The following CTNNA2 variants were observed in gnomAD, a reference collection of about 807,000 sequenced individuals.
CTNNA2 encodes catenin alpha-2.
Under a neutral mutation model 101.0 loss-of-function variants are expected in CTNNA2, and 42 were observed. The ratio of observed to expected loss-of-function variants is 0.42; its 90% CI spans 0.32 to 0.54. The LOEUF (loss-of-function observed/expected upper bound fraction) is 0.54, where lower values mean the gene tolerates loss of function less well. Among genes scored for constraint, CTNNA2 ranks in the 20% least tolerant of loss-of-function variants. The pLI, the probability that CTNNA2 is intolerant of heterozygous loss-of-function variation, is 0.14. For missense variants in CTNNA2, 871 were observed against 1,223.1 expected, an observed-to-expected ratio of 0.71 and a Z score of 4.29; for synonymous variants, 450 against 456.4, an observed-to-expected ratio of 0.99 and a Z score of 0.18.
intron 2 of CTNNA2, among the ~76,000 whole-genome samples, chr2:79,237,013 G>T (rs1307069468): frequency 1.3e-5 from 2 of 152,298 alleles, no homozygotes; most frequent in Admixed American, 1.3e-4. Context: ...TGTCTTAATG[G>T]CATCTAAAAT....
chr2:79,200,392 A>G lies in CTNNA2; in HGVS notation c.-406+2316A>G, dbSNP rs540634631. 4.6e-5 allele frequency among the ~76,000 whole-genome samples: 7 copies of G among 152,240 alleles called. No homozygotes were observed. In the East Asian group the frequency reaches 1.4e-3, roughly 29 times the overall value. On this transcript the variant is annotated intron_variant, in intron 2 of 21. Coordinates refer to the CTNNA2 transcript ENST00000466387. ...GAGAGAGACTCCGTCTCAAAAAAAA[A>G]AAAAAAATTAGACAAAAAATCAGAT...
chr2:79,405,680 T>C (rs1678333557), intron 4 of CTNNA2, among the ~76,000 whole-genome samples: 1 of 152,066 alleles, frequency 6.6e-6, no homozygotes, highest in Non-Finnish European at 1.5e-5. Context: ...TATATATTTA[T>C]GGGATACACA....
intron 7 of CTNNA2, among the ~76,000 whole-genome samples, chr2:80,062,702 C>CTTTT (rs70940073): frequency 1.1e-4 from 13 of 117,508 alleles, no homozygotes; most frequent in African/African-American, 2.5e-4. Context: ...GCACTGTGAT[C>CTTTT]TTTTTTTTTT....
chr2:79,568,162 T>C (rs2104185435), intron 1 of CTNNA2, among the ~76,000 whole-genome samples: 1 of 152,320 alleles, frequency 6.6e-6, no homozygotes, highest in African/African-American at 2.4e-5. Flanking sequence ...CAGTATAATG[T>C]CTGGCACATC....
chr2:79,348,664 G>T (rs997978847), intron 3 of CTNNA2, among the ~76,000 whole-genome samples: 1 of 152,168 alleles, frequency 6.6e-6, no homozygotes, highest in Non-Finnish European at 1.5e-5. Flanking sequence ...TACCTAGGTC[G>T]CAGAGATTCC....
chr2:80,020,859 A>T lies in CTNNA2; in HGVS notation c.1056+111062A>T, dbSNP rs187742471. ...ACACAAAGTTTTCCTTAGTCTATGA[A>T]CTTTGTTTTGACTTGCTATTTGACC... On this transcript the variant is annotated intron_variant, in intron 7 of 18. Transcript: ENST00000402739. 2.6e-3 allele frequency among the ~76,000 whole-genome samples: 397 copies of T among 152,204 alleles called. 4 individuals are homozygous for T. Among genetic ancestry groups the T allele is most frequent in the African/African-American group, 9.2e-3 (381 of 41,532 alleles).
intron 1 of CTNNA2, chr2:79,195,831 A>G: frequency 1.9e-6 from 1 of 514,940 alleles, no homozygotes; most frequent in Non-Finnish European, 3.9e-6. Context: ...GAATCAATAC[A>G]TATCACTCAA....
chr2:79,444,161 A>T (rs1678806377), intron 4 of CTNNA2, among the ~76,000 whole-genome samples: 1 of 152,052 alleles, frequency 6.6e-6, no homozygotes, highest in African/African-American at 2.4e-5. Flanking sequence ...AGAGATCCTA[A>T]AACAAAGGAC....
At chr2:80,053,734 A>G (rs564610936) in intron 7 of CTNNA2, among the ~76,000 whole-genome samples, 1 of 152,324 alleles carries the variant, frequency 6.6e-6, no homozygotes, top group South Asian at 2.1e-4. Flanking sequence ...TCCACTGAAC[A>G]CACATTGAAT....
At position 79,857,997 on chromosome 2, in the gene CTNNA2, C is replaced by G; in HGVS notation, c.299-16C>G. On this transcript the variant is annotated splice_polypyrimidine_tract_variant and intron_variant, in intron 3 of 18. Coordinates refer to ENST00000402739, the MANE Select transcript of CTNNA2 (RefSeq NM_001282597.3). The stretch of plus-strand genomic sequence containing the variant: ...CCTCTTGTCTACCCACCTGCCTCTC[C>G]GTGTCTGTCTTCCAGGTGAGACGAT... The G allele has an allele frequency of 6.2e-7, 1 of 1,604,288 alleles. No individual in the cohort carries two copies. The highest frequency in any genetic ancestry group is 2.2e-5 in the East Asian group (1 of 44,556).
In CTNNA2 at chr2:80,087,827, A is replaced by G. The variant is rs565476430; in HGVS notation, c.1056+178030A>G. On this transcript the variant is annotated intron_variant, in intron 7 of 18. Coordinates refer to ENST00000402739, the MANE Select transcript of CTNNA2 (RefSeq NM_001282597.3). ...AGGGAGCTGTCATAATTCCAGTTCT[A>G]GCACAGAGGTGTAAGGCAGACTTGG... Among the ~76,000 whole-genome samples, 3 of 152,092 alleles carry G rather than the reference A, an allele frequency of 2.0e-5. No homozygotes were observed. The East Asian group carries it at 5.8e-4, about 29-fold the overall frequency.
At chr2:80,163,091 A>G in intron 7 of CTNNA2, 4 of 1,580,736 alleles carry the variant, frequency 2.5e-6, no homozygotes, top group Non-Finnish European at 2.6e-6. Flanking sequence ...TCACAAACGC[A>G]AACTGCTTTG....
intron 18 of CTNNA2, among the ~76,000 whole-genome samples, chr2:80,633,333 T>C (rs932156933): frequency 6.6e-6 from 1 of 152,224 alleles, no homozygotes; most frequent in Non-Finnish European, 1.5e-5. Flanking sequence ...ACAGCTTTTT[T>C]GGCTGCTGGC....
intron 9 of CTNNA2, among the ~76,000 whole-genome samples, chr2:80,448,481 C>G (rs944926093): frequency 6.6e-6 from 1 of 152,146 alleles, no homozygotes; most frequent in African/African-American, 2.4e-5. Context: ...TGAATCCTGA[C>G]TACACATTAG....
chr2:80,144,441 G>A (rs1012695725), intron 7 of CTNNA2, among the ~76,000 whole-genome samples: 1 of 152,144 alleles, frequency 6.6e-6, no homozygotes, highest in Non-Finnish European at 1.5e-5. Flanking sequence ...AGACAAACAA[G>A]TACAAATGTA....
intron 7 of CTNNA2, among the ~76,000 whole-genome samples, chr2:80,002,074 C>A (rs1692987684): frequency 6.6e-6 from 1 of 152,074 alleles, no homozygotes; most frequent in Non-Finnish European, 1.5e-5. Context: ...TAGTGACAAC[C>A]CTAAAATATT....
chr2:79,946,500 C>T (rs1028989125), intron 7 of CTNNA2, among the ~76,000 whole-genome samples: 16 of 152,058 alleles, frequency 1.1e-4, no homozygotes, highest in African/African-American at 2.9e-4. Flanking sequence ...GGTTGAATAT[C>T]GAAGTATATA....
intron 3 of CTNNA2, among the ~76,000 whole-genome samples, chr2:79,347,174 C>T (rs928525243): frequency 6.6e-6 from 1 of 151,950 alleles, no homozygotes; most frequent in Admixed American, 6.6e-5. Context: ...AGAAAAATGG[C>T]TCAAATTCTT....
intron 3 of CTNNA2, among the ~76,000 whole-genome samples, chr2:79,833,891 A>T (rs1317807280): frequency 6.6e-6 from 1 of 152,164 alleles, no homozygotes; most frequent in Non-Finnish European, 1.5e-5. Context: ...ATCGTTTACC[A>T]TTTGCACTTT....
Sources: gnomAD v4.1 joint callset for allele counts (sites outside exome capture counted in the v4.1 genomes callset) on GRCh38, gnomAD v4.1.1 for gene constraint, MANE v1.5 for transcripts, NCBI Gene and HGNC (gene_info 2026-07-23, HGNC 2026-07-21) for gene names.